Variants in ANO3 observed in about 807,000 individuals in gnomAD.
ANO3 encodes anoctamin-3.
Under a neutral mutation model 144.8 loss-of-function variants are expected in ANO3, and 99 were observed. The observed-to-expected ratio is 0.68, with a 90% CI of 0.58 to 0.81. The LOEUF is 0.81. Among genes scored for constraint, ANO3 ranks in the 30% least tolerant of loss-of-function variants. The pLI, the probability that ANO3 is intolerant of heterozygous loss-of-function variation, is 0.00. For synonymous variants in ANO3, 414 were observed against 392.6 expected (o/e 1.05, Z -0.64); for missense variants, 905 against 1,202.2 (o/e 0.75, Z 3.66).
chr11:26,457,945 A>C (rs773517613), intron 3 of ANO3, among the ~76,000 whole-genome samples: 1 of 152,146 alleles, frequency 6.6e-6, no homozygotes, highest in Non-Finnish European at 1.5e-5. Context: ...TAGATTTTAA[A>C]ACACTATCAA....
At chr11:26,380,923 A>C (rs935260599) in intron 1 of ANO3, among the ~76,000 whole-genome samples, 8 of 152,138 alleles carry the variant, frequency 5.3e-5, no homozygotes, top group African/African-American at 1.9e-4. Context: ...TGTAGGTTGT[A>C]GTGAGCCAAG....
chr11:26,202,158 T>C (rs1463525096), intron 1 of ANO3, among the ~76,000 whole-genome samples: 1 of 149,714 alleles, frequency 6.7e-6, no homozygotes, highest in Non-Finnish European at 1.5e-5. Context: ...AAATATTTTA[T>C]ACAAAATTTC....
At chr11:26,321,057 T>C (rs908264693) in intron 1 of ANO3, among the ~76,000 whole-genome samples, 1 of 152,116 alleles carries the variant, frequency 6.6e-6, no homozygotes, top group African/African-American at 2.4e-5. Flanking sequence ...AGATGCAATA[T>C]ATTTCATTTG....
intron 1 of ANO3, among the ~76,000 whole-genome samples, chr11:26,313,576 A>G (rs1854551765): frequency 6.6e-6 from 1 of 152,022 alleles, no homozygotes; most frequent in Non-Finnish European, 1.5e-5. Flanking sequence ...AGTCCCTGCT[A>G]CTTGGGAGGC....
chr11:26,438,279 T>G (rs542744981), intron 1 of ANO3, among the ~76,000 whole-genome samples: 4 of 152,162 alleles, frequency 2.6e-5, no homozygotes, highest in Non-Finnish European at 4.4e-5. Context: ...GCATGAACTA[T>G]AAAACAATCA....
chr11:26,374,633 A>G (rs534237448), intron 1 of ANO3, among the ~76,000 whole-genome samples: 2 of 152,364 alleles, frequency 1.3e-5, no homozygotes, highest in Admixed American at 6.5e-5. Flanking sequence ...CTCCTATTCT[A>G]TAAGAGTATA....
At chr11:26,392,805 A>G (rs1395206137) in intron 1 of ANO3, among the ~76,000 whole-genome samples, 4 of 152,162 alleles carry the variant, frequency 2.6e-5, no homozygotes, top group Non-Finnish European at 5.9e-5. Flanking sequence ...CTTTGAGATT[A>G]TTAAATTATT....
At chr11:26,269,255 G>C (rs1317585500) in intron 1 of ANO3, among the ~76,000 whole-genome samples, 1 of 152,070 alleles carries the variant, frequency 6.6e-6, no homozygotes, top group Non-Finnish European at 1.5e-5. Context: ...TCTTTATCAG[G>C]GGCCTTTGGC....
upstream of ANO3, among the ~76,000 whole-genome samples, chr11:26,307,474 G>A (rs1050323907): frequency 6.4e-4 from 97 of 152,200 alleles, no homozygotes; most frequent in African/African-American, 2.3e-3. Context: ...GCTGAGGCAG[G>A]CCGATCACCT....
At chr11:26,516,665 T>C (rs543046623) in intron 5 of ANO3, among the ~76,000 whole-genome samples, 162 bp from the exon 6 acceptor site, 55 of 150,338 alleles carry the variant, frequency 3.7e-4, no homozygotes, top group African/African-American at 1.3e-3. Context: ...TCAAGGTCTT[T>C]CTTCATTAAG....
intron 1 of ANO3, among the ~76,000 whole-genome samples, chr11:26,409,195 C>G (rs1196740372): frequency 6.6e-6 from 1 of 151,590 alleles, no homozygotes; most frequent in Non-Finnish European, 1.5e-5. Context: ...TCCCCACTCC[C>G]AAACCCACCC....
intron 14 of ANO3, among the ~76,000 whole-genome samples, chr11:26,561,414 G>C (rs1850287315): frequency 6.6e-6 from 1 of 151,908 alleles, no homozygotes; most frequent in Admixed American, 6.6e-5. Context: ...ATAAGACTAA[G>C]AGTACAGTTT....
chr11:26,417,008 A>G (rs1857608985), intron 1 of ANO3, among the ~76,000 whole-genome samples: 1 of 152,102 alleles, frequency 6.6e-6, no homozygotes, highest in African/African-American at 2.4e-5. Context: ...TGTAGCAAAG[A>G]GGCAAGACCA....
intron 11 of ANO3, 93 bp downstream of exon 11, chr11:26,542,161 ATGCAGTCT>A: frequency 7.2e-7 from 1 of 1,396,906 alleles, no homozygotes; most frequent in Non-Finnish European, 9.4e-7. Context: ...ACCAGTGAGG[ATGCAGTCT>A]ACAAAAAAGC....
chr11:26,283,787 T>G (rs1189624383), intron 1 of ANO3, among the ~76,000 whole-genome samples: 3 of 152,182 alleles, frequency 2.0e-5, no homozygotes, highest in African/African-American at 4.8e-5. Context: ...AGACAGATAA[T>G]AAGCCACCAA....
chr11:26,544,252 A>ACATG (rs33941935), intron 11 of ANO3, among the ~76,000 whole-genome samples: 1 of 14,316 alleles, frequency 7.0e-5, no homozygotes, highest in Non-Finnish European at 2.1e-4. Flanking sequence ...TTCATTATAC[A>ACATG]TATATATATA....
At chr11:26,213,282 G>C (rs181148189) in intron 1 of ANO3, among the ~76,000 whole-genome samples, 20 of 152,212 alleles carry the variant, frequency 1.3e-4, no homozygotes, top group African/African-American at 4.8e-4. Context: ...TTTGGCCAGG[G>C]AAATCAGGCA....
upstream of ANO3, among the ~76,000 whole-genome samples, chr11:26,330,061 C>T (rs1854997422): frequency 6.6e-6 from 1 of 152,098 alleles, no homozygotes; most frequent in Non-Finnish European, 1.5e-5. Context: ...ATTCTAAAAC[C>T]GGTGATTTAA....
At chr11:26,615,460 G>A (rs933841756) in intron 17 of ANO3, among the ~76,000 whole-genome samples, 2 of 148,696 alleles carry the variant, frequency 1.3e-5, no homozygotes, top group East Asian at 3.9e-4. Context: ...AAAAACACGG[G>A]ACTTTGGACA....
Sources: allele counts gnomAD v4.1 joint callset (sites outside exome capture counted in the v4.1 genomes callset), GRCh38; gene constraint gnomAD v4.1.1; transcripts MANE v1.5; gene names NCBI Gene and HGNC (gene_info 2026-07-23, HGNC 2026-07-21).